ZNF106: variants seen among roughly 807,000 people sequenced by gnomAD.
ZNF106 encodes the protein zinc finger protein 106.
In ZNF106, 67 loss-of-function variants were observed where a neutral mutation model predicts 195.1. The ratio of observed to expected loss-of-function variants is 0.34; its 90% confidence interval spans 0.28 to 0.42. ZNF106 has a LOEUF of 0.42. Among genes scored for constraint, ZNF106 ranks in the 10% least tolerant of loss-of-function variants. The probability of loss-of-function intolerance (pLI) is 1.00; values close to 1 mark genes in which losing one functional copy is unlikely to be tolerated. For synonymous variants in ZNF106, 784 were observed against 818.6 expected, an observed-to-expected ratio of 0.96 and a Z score of 0.72; for missense variants, 2,118 against 2,304.5, an observed-to-expected ratio of 0.92 and a Z score of 1.66.
chr15:42,472,934 G>A (rs1469552405), intron 1 of ZNF106, among the ~76,000 whole-genome samples: 1 of 150,824 alleles, frequency 6.6e-6, no homozygotes, highest in Non-Finnish European at 1.5e-5. Context: ...TTGAACCCAA[G>A]AGCGGAGGTT....
rs752594052 is a variant in ZNF106 at position 42,439,132 on chromosome 15, G to A, written c.4445C>T (p.Ser1482Phe). 6.2e-7 allele frequency: 1 copy of A among 1,614,010 alleles called. No homozygotes were observed. The highest frequency in any genetic ancestry group is 1.7e-5 in the Admixed American group (1 of 59,996). Residue 1482 changes from serine to phenylalanine, a missense_variant, in exon 11 of 22, where the codon TCT (serine) becomes TTT (phenylalanine). Transcript: ENST00000564754. ...CGTTTCTAGTGGGTTTTGCTCTGTA[G>A]AGTTCCAAATATCCTTTTTAGATGG... is the stretch of plus-strand genomic sequence containing the variant. ...DSPSKKDIWN[S>F]TEQNPLETSR...
At chr15:42,486,408 C>A (rs1271940533) in intron 1 of ZNF106, among the ~76,000 whole-genome samples, 2 of 152,002 alleles carry the variant, frequency 1.3e-5, no homozygotes, top group Non-Finnish European at 1.5e-5. Context: ...TACAGGTATA[C>A]GCTACTATAC....
At chr15:42,486,756 C>A (rs1242965683) in intron 1 of ZNF106, among the ~76,000 whole-genome samples, 1 of 151,984 alleles carries the variant, frequency 6.6e-6, no homozygotes, top group Non-Finnish European at 1.5e-5. Flanking sequence ...GTCACAGTTT[C>A]CAAGATCCTA....
chr15:42,472,072 T>C (rs1342985440), intron 2 of ZNF106, among the ~76,000 whole-genome samples, 164 bp downstream of exon 2: 1 of 152,108 alleles, frequency 6.6e-6, no homozygotes, highest in African/African-American at 2.4e-5. Flanking sequence ...AAGAAACCAG[T>C]GGAATGAGAC....
At position 42,449,810 on chromosome 15, in the gene ZNF106, A is replaced by C; in HGVS notation, c.2462T>G (p.Val821Gly). The change falls in exon 5 of 22, where the codon GTA (valine) becomes GGA (glycine). Residue 821 changes from valine to glycine, a missense_variant. Val to Gly is a moderately radical substitution (Grantham distance 109). Coordinates refer to ENST00000564754, the MANE Select transcript of ZNF106 (RefSeq NM_001366845.3). The stretch of plus-strand genomic sequence containing the variant: ...GCCCAGCTCTTGCTTTTTCTTGGTT[A>C]CTTGCTGAATGACCTGTTCCCAGTT... ...NVNWEQVIQQ[V>G]TKKKQELGKG... 1 of 1,614,080 alleles carries C rather than the reference A, an allele frequency of 6.2e-7. No individual in the cohort carries two copies. The highest frequency in any genetic ancestry group is 1.3e-5 in the African/African-American group (1 of 75,038).
chr15:42,430,169 C>T (rs1033965447), intron 14 of ZNF106, among the ~76,000 whole-genome samples: 1 of 152,004 alleles, frequency 6.6e-6, no homozygotes, highest in Non-Finnish European at 1.5e-5. Context: ...CACTAGTGTA[C>T]GGTCCTGCTA....
rs1258130148 is a variant in ZNF106 at position 42,439,356 on chromosome 15, T to C, written c.4221A>G (p.Lys1407=). The C allele has an allele frequency of 6.2e-7, 1 of 1,614,044 alleles. No individual in the cohort carries two copies. Among genetic ancestry groups the C allele is most frequent in the Non-Finnish European group, 8.5e-7 (1 of 1,180,060 alleles). ...CTTTAATTAACTTTCCAGCTTTTAC[T>C]TTCCTTACAGGTTTAACAGTCAAAA... ...QDVLTVKPVR[K]VKAGKLIKGG... is the part of the protein sequence containing the mutation. Residue 1407 remains lysine, a synonymous_variant, in exon 11 of 22, where the codon AAA becomes AAG. Coordinates refer to ENST00000564754, the MANE Select transcript of ZNF106 (RefSeq NM_001366845.3).
At chr15:42,434,624 C>T (rs1336435005) in intron 14 of ZNF106, among the ~76,000 whole-genome samples, 2 of 152,128 alleles carry the variant, frequency 1.3e-5, no homozygotes, top group Non-Finnish European at 2.9e-5. Context: ...CACATACCTC[C>T]ATCTTTTAAA....
Position 42,450,219 on chromosome 15 carries a change from G to A in ZNF106, c.2053C>T (p.Pro685Ser). ...SELQMTSAAS[P>S]HPGLLLDLKT... ...AAGTCTAGCAATAAGCCAGGGTGTG[G>A]ACTGGCTGCAGATGTCATTTGTAAT... is the stretch of plus-strand genomic sequence containing the variant. The change falls in exon 5 of 22, where the codon CCA (proline) becomes TCA (serine). Residue 685 changes from proline (P) to serine (S), a missense_variant. By Grantham distance (74) the Pro-to-Ser change is moderately conservative (BLOSUM62 -1). Coordinates refer to ENST00000564754, the MANE Select transcript of ZNF106 (RefSeq NM_001366845.3). 1 of 1,614,172 alleles carries A rather than the reference G, an allele frequency of 6.2e-7. No individual in the cohort carries two copies. Among genetic ancestry groups the A allele is most frequent in the African/African-American group, 1.3e-5 (1 of 75,020 alleles).
intron 2 of ZNF106, 49 bp from the exon 3 acceptor site, chr15:42,466,163 A>G: frequency 7.0e-7 from 1 of 1,433,738 alleles, no homozygotes; most frequent in Admixed American, 2.7e-5. Context: ...TTGCTTTGAA[A>G]AAAAAAAACT....
intron 20 of ZNF106, among the ~76,000 whole-genome samples, chr15:42,418,222 A>C (rs1488422858): frequency 6.6e-6 from 1 of 152,276 alleles, no homozygotes; most frequent in Non-Finnish European, 1.5e-5. Flanking sequence ...GGAAAAGGCC[A>C]GCAAATGTTT....
intron 3 of ZNF106, among the ~76,000 whole-genome samples, chr15:42,460,559 A>G (rs559755466): frequency 2.6e-5 from 4 of 152,344 alleles, no homozygotes; most frequent in African/African-American, 9.6e-5. Flanking sequence ...GGCATACGCA[A>G]TAAGTGCAGT....
chr15:42,434,647 A>C (rs761008089), intron 14 of ZNF106, among the ~76,000 whole-genome samples: 2 of 152,168 alleles, frequency 1.3e-5, no homozygotes, highest in Non-Finnish European at 2.9e-5. Flanking sequence ...AATTAAAAAC[A>C]TATTGTATAT....
intron 3 of ZNF106, 47 bp from the exon 4 acceptor site, chr15:42,457,205 T>G (rs1423971256): frequency 6.2e-7 from 1 of 1,613,856 alleles, no homozygotes; most frequent in African/African-American, 1.3e-5. Flanking sequence ...CCCACTGGCA[T>G]GGCACACTCA....
rs759475704 is a variant in ZNF106 at position 42,428,133 on chromosome 15, CTCT to C, written c.4882-2_4882del. On this transcript the variant is annotated splice_acceptor_variant and coding_sequence_variant, in exon 15 of 22. Transcript: ENST00000564754. LOFTEE classifies it high-confidence loss of function. ...CTGTAACTGCTCCACACACTCTCGG[CTCT>C]GATAAAAGCACACAACCTTTAATCA... 1 of 1,613,680 alleles carries C rather than the reference CTCT, an allele frequency of 6.2e-7. No individual in the cohort carries two copies. Among genetic ancestry groups the C allele is most frequent in the South Asian group, 1.1e-5 (1 of 91,064 alleles).
chr15:42,472,204 A>G, intron 2 of ZNF106, 32 bp downstream of exon 2: 2 of 1,526,902 alleles, frequency 1.3e-6, no homozygotes, highest in Non-Finnish European at 8.8e-7. Flanking sequence ...AAATAGTCAT[A>G]AAGCCTCAGA....
Position 42,415,507 on chromosome 15 carries a change from A to G in ZNF106, c.*1797T>C. 2 of 455,318 alleles carry G rather than the reference A, an allele frequency of 4.4e-6. No homozygotes were observed. The highest frequency in any genetic ancestry group is 3.1e-5 in the South Asian group (2 of 64,386). The allele number at this position is 455,318 out of a possible 1,614,324, so 28.2% of individuals were successfully genotyped here. A position where few individuals can be genotyped will look rare whatever the true frequency, so the allele number is the denominator to read the frequency against. ...AAAAAGAACACATACTCAGTCTCAC[A>G]CACAATTTCTGGGGGCTCACAGACC... On this transcript the variant is annotated 3_prime_UTR_variant, in exon 22 of 22. Coordinates refer to ENST00000564754, the MANE Select transcript of ZNF106 (RefSeq NM_001366845.3).
At chr15:42,488,102 G>A (rs149915979) in intron 1 of ZNF106, among the ~76,000 whole-genome samples, 2,160 of 152,218 alleles carry the variant, frequency 0.014, 24 homozygotes, top group Middle Eastern at 0.044. Context: ...TACTCAGCAC[G>A]TAGCAAATTC....
Position 42,423,919 on chromosome 15 carries a change from G to T in ZNF106, c.5253+79C>A, listed in dbSNP as rs893171201. 8.1e-6 allele frequency: 11 copies of T among 1,350,478 alleles called. No homozygotes were observed. In the African/African-American group the frequency reaches 1.5e-4, roughly 18 times the overall value. The allele number at this position is 1,350,478 out of a possible 1,614,324, so 83.7% of individuals were successfully genotyped here. On this transcript the variant is annotated intron_variant, in intron 17 of 21. Coordinates refer to ENST00000564754, the MANE Select transcript of ZNF106 (RefSeq NM_001366845.3). ...GTGGATAAAGGGCTTAATTTAAATT[G>T]CAAGAGGTTTAAGAAAACCATCAAG...
Sources: gnomAD v4.1 joint callset for allele counts (sites outside exome capture counted in the v4.1 genomes callset) on GRCh38, gnomAD v4.1.1 for gene constraint, MANE v1.5 for transcripts, NCBI Gene and HGNC (gene_info 2026-07-23, HGNC 2026-07-21) for gene names.